The following LDLRAD3 variants were observed in gnomAD, a reference collection of about 807,000 sequenced individuals.
The protein encoded by LDLRAD3 is low density lipoprotein receptor class A domain containing 3.
LDLRAD3 carries 20 observed loss-of-function variants against 29.4 expected under a neutral mutation model. The observed-to-expected ratio is 0.68, with a 90% CI of 0.48 to 0.99. LDLRAD3 has a LOEUF of 0.99. Among genes scored for constraint, LDLRAD3 ranks in the 50% least tolerant of loss-of-function variants. The pLI, the probability that LDLRAD3 is intolerant of heterozygous loss-of-function variation, is 0.00. For synonymous variants in LDLRAD3, 157 were observed against 192.7 expected (o/e 0.81, Z 1.53); for missense variants, 420 against 454.3 (o/e 0.92, Z 0.69).
At chr11:36,079,129 G>A (rs1400479983) in intron 2 of LDLRAD3, among the ~76,000 whole-genome samples, 4 of 152,194 alleles carry the variant, frequency 2.6e-5, no homozygotes, top group African/African-American at 4.8e-5. Context: ...CACAGCTCAC[G>A]CTTCCTTACT....
At chr11:35,987,802 C>T (rs1027907149) in intron 1 of LDLRAD3, among the ~76,000 whole-genome samples, 1 of 152,148 alleles carries the variant, frequency 6.6e-6, no homozygotes, top group Non-Finnish European at 1.5e-5. Flanking sequence ...CTGGGTCAGT[C>T]AAATGGTAAT....
intron 1 of LDLRAD3, among the ~76,000 whole-genome samples, chr11:35,992,306 C>T (rs1330568324): frequency 1.3e-5 from 2 of 152,140 alleles, no homozygotes; most frequent in Non-Finnish European, 2.9e-5. Context: ...TTAACTATTC[C>T]TCAGTAATCT....
intron 4 of LDLRAD3, among the ~76,000 whole-genome samples, chr11:36,105,733 C>G (rs144541383): frequency 6.6e-6 from 1 of 152,288 alleles, no homozygotes; most frequent in East Asian, 1.9e-4. Flanking sequence ...CAGATTCTCT[C>G]TCGCAGCCCT....
In LDLRAD3 at chr11:35,997,475, G is replaced by A. The variant is rs183471242; in HGVS notation, c.47-38628G>A. ...GTGGCAGATGGTACCACCTCACTCT[G>A]GGTCTGTTCTGAATGGTCAGTTTCA... On this transcript the variant is annotated intron_variant, in intron 1 of 5. Transcript: ENST00000315571. The A allele has an allele frequency of 4.9e-3, 1,926 of 389,744 alleles. 10 individuals carry two copies. Among genetic ancestry groups the A allele is most frequent in the Non-Finnish European group, 7.7e-3 (1,553 of 200,976 alleles). The allele number at this position is 389,744 out of a possible 1,614,324, so 24.1% of individuals were successfully genotyped here.
intron 2 of LDLRAD3, among the ~76,000 whole-genome samples, chr11:36,053,590 C>A (rs916136656): frequency 1.3e-5 from 2 of 152,206 alleles, no homozygotes; most frequent in East Asian, 3.9e-4. Flanking sequence ...TGGTAGACAT[C>A]AGCCTTGGCT....
intron 1 of LDLRAD3, among the ~76,000 whole-genome samples, chr11:35,975,312 T>C (rs1298727117): frequency 6.6e-6 from 1 of 152,222 alleles, no homozygotes; most frequent in Non-Finnish European, 1.5e-5. Context: ...AAGTGTGTCA[T>C]TGCAACTTGA....
chr11:36,199,991 AC>A (rs1855099130), intron 4 of LDLRAD3, among the ~76,000 whole-genome samples: 1 of 151,712 alleles, frequency 6.6e-6, no homozygotes, highest in Non-Finnish European at 1.5e-5. Flanking sequence ...ACATGGTGAA[AC>A]CCCATCTCTA....
intron 4 of LDLRAD3, among the ~76,000 whole-genome samples, chr11:36,200,632 G>A (rs1297741726): frequency 1.3e-5 from 2 of 152,218 alleles, no homozygotes; most frequent in South Asian, 2.1e-4. Flanking sequence ...GTGATGGGGT[G>A]GGGGAAGACA....
At chr11:36,225,491 C>A (rs1012871509) in intron 4 of LDLRAD3, among the ~76,000 whole-genome samples, 26 of 152,042 alleles carry the variant, frequency 1.7e-4, no homozygotes, top group African/African-American at 6.0e-4. Context: ...ATGATAGCAA[C>A]CTGCAGGGGT....
intron 4 of LDLRAD3, among the ~76,000 whole-genome samples, chr11:36,205,248 A>G (rs913527793): frequency 5.3e-5 from 8 of 152,168 alleles, no homozygotes; most frequent in African/African-American, 1.9e-4. Context: ...CTTACCCCAC[A>G]TTTGACTGTC....
At chr11:35,952,210 G>A (rs561179270) in intron 1 of LDLRAD3, among the ~76,000 whole-genome samples, 5 of 152,304 alleles carry the variant, frequency 3.3e-5, no homozygotes, top group East Asian at 1.9e-4. Flanking sequence ...GAATTGGCAC[G>A]TGGGTCTGCG....
intron 1 of LDLRAD3, among the ~76,000 whole-genome samples, chr11:36,017,654 G>A (rs919596974): frequency 1.3e-5 from 2 of 151,292 alleles, no homozygotes; most frequent in African/African-American, 2.4e-5. Flanking sequence ...TCAGCCTCCC[G>A]AGTAGCTGGG....
rs141053724 is a variant in LDLRAD3 at position 36,010,383 on chromosome 11, A to G, written c.47-25720A>G. On this transcript the variant is annotated intron_variant, in intron 1 of 5. Coordinates refer to ENST00000315571, the MANE Select transcript of LDLRAD3 (RefSeq NM_174902.4). ...ATATTTCTTATTAGAAGAAGAATAT[A>G]TTTTGGAATTAGTGAAGATAGACCC... 9.5e-3 allele frequency among the ~76,000 whole-genome samples: 1,444 copies of G among 152,338 alleles called. 11 individuals are homozygous for G. The highest frequency in any genetic ancestry group is 0.012 in the Non-Finnish European group (842 of 68,036).
chr11:36,081,517 G>A, intron 2 of LDLRAD3, 136 bp from the exon 3 acceptor site: 1 of 1,147,958 alleles, frequency 8.7e-7, no homozygotes, highest in Non-Finnish European at 1.3e-6. Flanking sequence ...GTGGGTGGTG[G>A]TAATGAGAAG....
chr11:36,069,459 C>A (rs142702462), intron 2 of LDLRAD3, among the ~76,000 whole-genome samples: 1 of 152,334 alleles, frequency 6.6e-6, no homozygotes, highest in East Asian at 1.9e-4. Context: ...TTTTAGCTAG[C>A]AATGGCCACA....
chr11:36,044,964 G>A (rs776382193), intron 2 of LDLRAD3, among the ~76,000 whole-genome samples: 11 of 152,244 alleles, frequency 7.2e-5, no homozygotes, highest in Non-Finnish European at 1.5e-4. Flanking sequence ...GCCTCCATGA[G>A]TATGTAGTCT....
At chr11:36,074,006 G>A (rs1487967197) in intron 2 of LDLRAD3, among the ~76,000 whole-genome samples, 1 of 151,958 alleles carries the variant, frequency 6.6e-6, no homozygotes, top group Non-Finnish European at 1.5e-5. Flanking sequence ...TTTTTTGTGT[G>A]TGTGAGAACT....
intron 1 of LDLRAD3, among the ~76,000 whole-genome samples, chr11:36,005,478 A>G (rs561826678): frequency 1.3e-5 from 2 of 152,318 alleles, no homozygotes; most frequent in South Asian, 2.1e-4. Flanking sequence ...CCCGGACTTC[A>G]TTGTCCATGT....
intron 4 of LDLRAD3, among the ~76,000 whole-genome samples, chr11:36,200,395 A>G (rs1193606972): frequency 2.0e-5 from 3 of 152,082 alleles, no homozygotes; most frequent in South Asian, 2.1e-4. Context: ...CACTCTCAGG[A>G]CCTCATTACT....
Sources: allele counts gnomAD v4.1 joint callset (sites outside exome capture counted in the v4.1 genomes callset), GRCh38; gene constraint gnomAD v4.1.1; transcripts MANE v1.5; gene names NCBI Gene and HGNC (gene_info 2026-07-23, HGNC 2026-07-21).